Variants in CRHR1 observed in about 807,000 individuals in gnomAD.
CRHR1 encodes corticotropin-releasing hormone receptor 1.
A neutral mutation model predicts 56.0 loss-of-function variants in CRHR1; 28 were observed. The ratio of observed to expected loss-of-function variants is 0.50; its 90% CI spans 0.37 to 0.69. CRHR1 has a LOEUF of 0.69. Ranked by LOEUF, CRHR1 falls within the 30% of genes least tolerant of loss-of-function variation. CRHR1 has a pLI of 0.00. For synonymous variants in CRHR1, 195 were observed against 216.5 expected (o/e 0.90, Z 0.87); for missense variants, 376 against 548.0 (o/e 0.69, Z 3.13).
chr17:45,791,489 C>G (rs1403580926), intron 1 of CRHR1, among the ~76,000 whole-genome samples: 1 of 152,144 alleles, frequency 6.6e-6, no homozygotes, highest in Non-Finnish European at 1.5e-5. Context: ...AAAAGACCTG[C>G]CTGCCTGCCT....
intron 4 of CRHR1, 28 bp from the exon 5 acceptor site, chr17:45,829,187 T>C: frequency 6.4e-7 from 1 of 1,570,148 alleles, no homozygotes; most frequent in Non-Finnish European, 8.8e-7. Context: ...AGCAGAAGGC[T>C]CACCTCTGCC....
chr17:45,814,738 C>T (rs1291137682), intron 2 of CRHR1, among the ~76,000 whole-genome samples: 1 of 152,250 alleles, frequency 6.6e-6, no homozygotes, highest in Admixed American at 6.5e-5. Flanking sequence ...TGCTTCCTCA[C>T]TCCACTGCTT....
intron 2 of CRHR1, among the ~76,000 whole-genome samples, chr17:45,807,332 G>T (rs762456583): frequency 6.6e-6 from 1 of 152,226 alleles, no homozygotes; most frequent in Non-Finnish European, 1.5e-5. Context: ...AGCACCTGCC[G>T]TGGGCACAGG....
rs2061983953 is a variant in CRHR1 at position 45,818,995 on chromosome 17, G to T, written c.242-2360G>T. Among the ~76,000 whole-genome samples the T allele has an allele frequency of 2.0e-5, 3 of 152,190 alleles. No homozygotes were observed. In the South Asian group the frequency reaches 6.2e-4, roughly 32 times the overall value. On this transcript the variant is annotated intron_variant, in intron 3 of 12. Coordinates refer to ENST00000314537, the MANE Select transcript of CRHR1 (RefSeq NM_004382.5). ...GATCACCTCCTTTCTCCCCATCAAA[G>T]CCTGCTCCCTCTGGGTGACCCAGCC...
intron 4 of CRHR1, among the ~76,000 whole-genome samples, chr17:45,827,478 T>C (rs563896755): frequency 1.3e-5 from 2 of 152,306 alleles, no homozygotes; most frequent in African/African-American, 4.8e-5. Flanking sequence ...TGTGTGCATA[T>C]CTTCCAGAGC....
At chr17:45,785,352 G>T (rs2061316966) in intron 1 of CRHR1, among the ~76,000 whole-genome samples, 1 of 152,254 alleles carries the variant, frequency 6.6e-6, no homozygotes, top group Admixed American at 6.5e-5. Flanking sequence ...CCAGGGAAGG[G>T]CCGGGAGGCC....
intron 3 of CRHR1, among the ~76,000 whole-genome samples, chr17:45,817,823 G>A (rs900882024): frequency 1.3e-5 from 2 of 152,238 alleles, no homozygotes; most frequent in Admixed American, 1.3e-4. Context: ...TGGGGGCCAA[G>A]GGGAGGAAGT....
chr17:45,829,172 C>T (rs1217445540), intron 4 of CRHR1, 43 bp from the exon 5 acceptor site: 1 of 1,496,262 alleles, frequency 6.7e-7, no homozygotes, highest in Non-Finnish European at 9.3e-7. Flanking sequence ...GAGCAGCTCC[C>T]ATCCAGCAGA....
At position 45,784,523 on chromosome 17, in the gene CRHR1, C is replaced by G. The variant is rs1418431014; in HGVS notation, c.-22C>G. On this transcript the variant is annotated 5_prime_UTR_variant, in exon 1 of 13. Coordinates refer to ENST00000314537, the MANE Select transcript of CRHR1 (RefSeq NM_004382.5). This position sits in a 1 kb window ranked among gnomAD's most constrained non-coding sequence, Gnocchi z 4.2. ...GTCCGTAGGACCCGGGCATTCAGGA[C>G]GGTAGCCGAGCGAGCCCGAGGATGG... 2.6e-6 allele frequency: 4 copies of G among 1,543,700 alleles called. No homozygotes were observed. In the African/African-American group the frequency reaches 5.6e-5, roughly 22 times the overall value.
chr17:45,825,132 G>C (rs899574171), intron 4 of CRHR1, among the ~76,000 whole-genome samples: 2 of 152,202 alleles, frequency 1.3e-5, no homozygotes, highest in African/African-American at 4.8e-5. Context: ...CTGGGCCTGG[G>C]CTAAGCCCTA....
At chr17:45,790,029 A>G (rs898694995) in intron 1 of CRHR1, among the ~76,000 whole-genome samples, 1 of 152,172 alleles carries the variant, frequency 6.6e-6, no homozygotes. Flanking sequence ...AAGGCCATCA[A>G]AAGGAGAAGT....
intron 4 of CRHR1, among the ~76,000 whole-genome samples, chr17:45,822,843 T>C (rs2062071876): frequency 7.6e-6 from 1 of 132,126 alleles, no homozygotes; most frequent in Admixed American, 8.0e-5. Flanking sequence ...AAGAGCGAAA[T>C]TCCATTAAAA....
intron 1 of CRHR1, among the ~76,000 whole-genome samples, chr17:45,805,545 A>G (rs2061703272): frequency 6.6e-6 from 1 of 152,198 alleles, no homozygotes; most frequent in Admixed American, 6.5e-5. Flanking sequence ...TGCAGTTGGT[A>G]CAGAAATGGG....
chr17:45,821,400 G>T lies in CRHR1; in HGVS notation c.287G>T (p.Arg96Leu). The change falls in exon 4 of 13, where the codon CGC becomes CTC. Residue 96 changes from arginine to leucine, a missense_variant. Physicochemically the swap from Arg to Leu is moderately radical, Grantham distance 102. Transcript: ENST00000314537. ...CTGGCCAATGGCAGCTGGGCCGCCC[G>T]CGTGAATTACTCCGAGTGCCAGGAG... ...ECLANGSWAA[R>L]VNYSECQEIL... 2.5e-6 allele frequency: 4 copies of T among 1,613,336 alleles called. No homozygotes were observed. Among genetic ancestry groups the T allele is most frequent in the Non-Finnish European group, 2.5e-6 (3 of 1,180,030 alleles).
chr17:45,789,046 C>T (rs1333644076), intron 1 of CRHR1, among the ~76,000 whole-genome samples: 1 of 152,146 alleles, frequency 6.6e-6, no homozygotes, highest in Admixed American at 6.5e-5. Context: ...AGTGCAGCAC[C>T]CCAGTGATCT....
Position 45,834,810 on chromosome 17 carries a change from A to T in CRHR1, c.*46A>T, listed in dbSNP as rs779052935. The T allele has an allele frequency of 4.3e-6, 7 of 1,609,698 alleles. No individual in the cohort carries two copies. The highest frequency in any genetic ancestry group is 1.3e-5 in the African/African-American group (1 of 74,796). ...CCCCCAAAGAGCTGTGGCTGGGGGG[A>T]TGACGGCCAGGCTCCCTGACCACCC... On this transcript the variant is annotated 3_prime_UTR_variant, in exon 13 of 13. Coordinates refer to ENST00000314537, the MANE Select transcript of CRHR1 (RefSeq NM_004382.5).
At position 45,805,170 on chromosome 17, in the gene CRHR1, C is replaced by T. The variant is rs541856903; in HGVS notation, c.34-1840C>T. On this transcript the variant is annotated intron_variant, in intron 1 of 12. Coordinates refer to ENST00000314537, the MANE Select transcript of CRHR1 (RefSeq NM_004382.5). ...TTTTGCCCCAAGCTCCAACATGGCC[C>T]AGCACTGTTACTGAGCCTATCTTTC... is the stretch of plus-strand genomic sequence containing the variant. Among the ~76,000 whole-genome samples the T allele has an allele frequency of 1.7e-4, 26 of 152,210 alleles. No homozygotes were observed. The South Asian group carries it at 5.4e-3, about 32-fold the overall frequency.
At chr17:45,826,813 C>G (rs2062174416) in intron 4 of CRHR1, 1 of 152,002 alleles carries the variant, frequency 6.6e-6, no homozygotes, top group African/African-American at 2.4e-5. Flanking sequence ...CCATCTCTAC[C>G]AAAAAATACA....
chr17:45,797,692 C>T (rs958648664), intron 1 of CRHR1, among the ~76,000 whole-genome samples: 2 of 152,098 alleles, frequency 1.3e-5, no homozygotes, highest in East Asian at 3.9e-4. Flanking sequence ...TGGAGAAGTT[C>T]GGTGATTCTC....
Sources: allele counts gnomAD v4.1 joint callset (sites outside exome capture counted in the v4.1 genomes callset), GRCh38; gene constraint gnomAD v4.1.1; non-coding constraint Gnocchi (gnomAD v3.1); transcripts MANE v1.5; gene names NCBI Gene and HGNC (gene_info 2026-07-23, HGNC 2026-07-21).